ZBTB20: variants seen among roughly 807,000 people sequenced by gnomAD.
ZBTB20 encodes zinc finger and BTB domain-containing protein 20.
ZBTB20 carries 9 observed loss-of-function variants against 56.9 expected under a neutral mutation model. The observed-to-expected ratio is 0.16, with a 90% CI of 0.10 to 0.28. The LOEUF is 0.28. Among genes scored for constraint, ZBTB20 ranks in the 10% least tolerant of loss-of-function variants. ZBTB20 has a pLI of 1.00. For synonymous variants in ZBTB20, 417 were observed against 420.7 expected (o/e 0.99, Z 0.11); for missense variants, 655 against 1,003.0 (o/e 0.65, Z 4.69).
chr3:114,655,301 G>A (rs2702166), intron 6 of ZBTB20, among the ~76,000 whole-genome samples: 5,289 of 132,616 alleles, frequency 0.04, 309 homozygotes, highest in African/African-American at 0.14. Context: ...GCCAGACTGC[G>A]GACTGCAGTG....
intron 4 of ZBTB20, among the ~76,000 whole-genome samples, chr3:114,823,828 A>C (rs1324304995): frequency 6.6e-6 from 1 of 152,052 alleles, no homozygotes; most frequent in Non-Finnish European, 1.5e-5. Context: ...CAATTTTGTC[A>C]ATTTTGAGTC....
chr3:115,036,400 A>G (rs1353711454), intron 2 of ZBTB20, among the ~76,000 whole-genome samples: 3 of 151,910 alleles, frequency 2.0e-5, no homozygotes, highest in African/African-American at 7.3e-5. Context: ...CCCGGGTTCA[A>G]GTGATTCTCC....
intron 7 of ZBTB20, among the ~76,000 whole-genome samples, chr3:114,416,862 A>C (rs370800062): frequency 6.6e-6 from 1 of 152,076 alleles, no homozygotes; most frequent in African/African-American, 2.4e-5. Context: ...TTTATTTACT[A>C]TTTTCAAATA....
At chr3:114,726,659 T>A (rs1432012685) in intron 5 of ZBTB20, among the ~76,000 whole-genome samples, 1 of 152,156 alleles carries the variant, frequency 6.6e-6, no homozygotes, top group Admixed American at 6.5e-5. Flanking sequence ...ATGCCTGTAA[T>A]CCCAGCACTT....
At chr3:114,758,174 T>C (rs2068150845) in intron 5 of ZBTB20, among the ~76,000 whole-genome samples, 1 of 152,150 alleles carries the variant, frequency 6.6e-6, no homozygotes, top group Non-Finnish European at 1.5e-5. Context: ...TCACATAACC[T>C]AGCTGTACTT....
At chr3:114,408,445 G>A (rs756442864) in intron 7 of ZBTB20, among the ~76,000 whole-genome samples, 14 of 152,170 alleles carry the variant, frequency 9.2e-5, no homozygotes, top group African/African-American at 2.9e-4. Flanking sequence ...TAGCTTTGCC[G>A]GACCTTTCCA....
At chr3:114,424,917 T>C (rs2089515408) in intron 7 of ZBTB20, among the ~76,000 whole-genome samples, 1 of 152,150 alleles carries the variant, frequency 6.6e-6, no homozygotes. Context: ...TTCTTCAGTT[T>C]CTTTCTTTCT....
At chr3:114,914,225 A>T (rs1417732480) in intron 3 of ZBTB20, among the ~76,000 whole-genome samples, 1 of 151,890 alleles carries the variant, frequency 6.6e-6, no homozygotes, top group African/African-American at 2.4e-5. Flanking sequence ...ATATCTTTCC[A>T]TTTTTTTGTG....
intron 2 of ZBTB20, among the ~76,000 whole-genome samples, chr3:115,018,227 T>G (rs1292693240): frequency 6.6e-6 from 1 of 151,364 alleles, no homozygotes; most frequent in African/African-American, 2.4e-5. Flanking sequence ...GTTTAAAGAG[T>G]TAGATCATTG....
At chr3:115,069,214 A>T (rs2082315286) in intron 2 of ZBTB20, among the ~76,000 whole-genome samples, 1 of 152,192 alleles carries the variant, frequency 6.6e-6, no homozygotes, top group South Asian at 2.1e-4. Context: ...GGCATACAGT[A>T]CAATGCCAAC....
intron 1 of ZBTB20, among the ~76,000 whole-genome samples, chr3:115,074,417 G>A (rs2082522758): frequency 6.6e-6 from 1 of 152,112 alleles, no homozygotes; most frequent in Non-Finnish European, 1.5e-5. Context: ...AAGGAAGCAG[G>A]TAAGTAAACT....
chr3:114,702,488 A>C lies in ZBTB20; in HGVS notation c.-342-8913T>G, dbSNP rs532110108. ...CAGATGAATTTTTTTGTCTTTGTCA[A>C]AATTTCTGGTAATTATTATAAAGTA... On this transcript the variant is annotated intron_variant, in intron 5 of 11. Transcript: ENST00000675478. Among the ~76,000 whole-genome samples, 62 of 152,018 alleles carry C rather than the reference A, an allele frequency of 4.1e-4. 1 individual carries two copies. Among genetic ancestry groups the C allele is most frequent in the Admixed American group, 3.5e-3 (53 of 15,272 alleles).
chr3:114,787,354 TATATATATATATATAC>T (rs1190203246), intron 5 of ZBTB20, among the ~76,000 whole-genome samples: 5 of 123,024 alleles, frequency 4.1e-5, no homozygotes, highest in Admixed American at 7.9e-5. Context: ...TATATATATA[TATATATATATATATAC>T]ACACACACAC....
At chr3:114,367,249 A>G (rs542788208) in intron 10 of ZBTB20, 2 of 152,396 alleles carry the variant, frequency 1.3e-5, no homozygotes, top group East Asian at 3.9e-4. Context: ...TCCATTCCCT[A>G]TAATTTGAAA....
intron 3 of ZBTB20, among the ~76,000 whole-genome samples, chr3:114,921,253 G>A (rs1333009641): frequency 2.0e-5 from 3 of 152,064 alleles, no homozygotes; most frequent in African/African-American, 7.2e-5. Context: ...TTCCCAAGTA[G>A]CTGGGATTAC....
In ZBTB20 at chr3:115,127,071, G is replaced by A. The variant is rs550992227; in HGVS notation, c.-703+20148C>T. Among the ~76,000 whole-genome samples the A allele has an allele frequency of 1.8e-4, 27 of 152,290 alleles. No individual in the cohort carries two copies. The South Asian group carries it at 4.6e-3, about 26-fold the overall frequency. Reference sequence around the variant, plus strand: ...ATGAATATAATTATTCTTTAGGTCTGAAGTGGAGTTTGAGATTCTGCATTT... The same window carrying A: ...ATGAATATAATTATTCTTTAGGTCTAAAGTGGAGTTTGAGATTCTGCATTT... On this transcript the variant is annotated intron_variant, in intron 1 of 11. Coordinates refer to ENST00000675478, the MANE Select transcript of ZBTB20 (RefSeq NM_001348800.3).
At chr3:114,496,968 G>A (rs1232786761) in intron 7 of ZBTB20, among the ~76,000 whole-genome samples, 2 of 152,200 alleles carry the variant, frequency 1.3e-5, no homozygotes, top group Non-Finnish European at 2.9e-5. Context: ...TGACCAGGGG[G>A]CAGTAGCTCA....
chr3:114,867,957 T>C (rs1214770591), intron 4 of ZBTB20, among the ~76,000 whole-genome samples: 1 of 152,148 alleles, frequency 6.6e-6, no homozygotes, highest in Non-Finnish European at 1.5e-5. Context: ...GTCAAATCTC[T>C]TCTGAATAAC....
intron 2 of ZBTB20, among the ~76,000 whole-genome samples, chr3:114,984,661 GAAC>G (rs951922809): frequency 6.6e-5 from 10 of 151,866 alleles, no homozygotes; most frequent in African/African-American, 1.7e-4. Context: ...CTCTTTCATT[GAAC>G]AACAGTTGAT....
Sources: gnomAD v4.1 joint callset for allele counts (sites outside exome capture counted in the v4.1 genomes callset) on GRCh38, gnomAD v4.1.1 for gene constraint, MANE v1.5 for transcripts, NCBI Gene and HGNC (gene_info 2026-07-23, HGNC 2026-07-21) for gene names.